Variants in CERS6 observed in about 807,000 individuals in gnomAD.
The protein encoded by CERS6 is ceramide synthase 6, also known as LAG1 homolog, ceramide synthase 6.
In CERS6, 26 loss-of-function variants were observed where a neutral mutation model predicts 56.8. That is an observed-to-expected ratio of 0.46 (90% CI 0.34 to 0.63). The LOEUF is 0.63. Among genes scored for constraint, CERS6 ranks in the 30% least tolerant of loss-of-function variants. The pLI is 0.01. For synonymous variants in CERS6, 164 were observed against 173.3 expected (o/e 0.95, Z 0.42); for missense variants, 415 against 467.5 (o/e 0.89, Z 1.04).
chr2:168,559,115 A>G (rs1432421057), intron 2 of CERS6, among the ~76,000 whole-genome samples: 5 of 152,128 alleles, frequency 3.3e-5, no homozygotes, highest in Admixed American at 2.6e-4. Context: ...TAGCCAAGGT[A>G]TATTGTAGGC....
At chr2:168,467,565 G>A (rs753637380) in intron 1 of CERS6, among the ~76,000 whole-genome samples, 4 of 152,172 alleles carry the variant, frequency 2.6e-5, no homozygotes, top group Non-Finnish European at 5.9e-5. Context: ...AGGAAAATGG[G>A]TGGGATATCA....
intron 8 of CERS6, among the ~76,000 whole-genome samples, chr2:168,745,534 C>T (rs1190199109): frequency 6.6e-6 from 1 of 152,132 alleles, no homozygotes; most frequent in Non-Finnish European, 1.5e-5. Context: ...AACCACTGCG[C>T]CTGGCCAAAT....
At chr2:168,611,979 C>T (rs574635977) in intron 3 of CERS6, among the ~76,000 whole-genome samples, 59 of 152,304 alleles carry the variant, frequency 3.9e-4, no homozygotes, top group Admixed American at 9.8e-4. Context: ...GGCCCATACT[C>T]ATGAAACTTG....
chr2:168,582,601 A>G (rs1468375872), intron 3 of CERS6, among the ~76,000 whole-genome samples: 4 of 152,190 alleles, frequency 2.6e-5, no homozygotes, highest in Non-Finnish European at 5.9e-5. Context: ...CTATGCAAAC[A>G]TAAGGTTTCA....
chr2:168,519,157 G>C (rs895502156), intron 1 of CERS6, among the ~76,000 whole-genome samples: 2 of 152,162 alleles, frequency 1.3e-5, no homozygotes, highest in African/African-American at 4.8e-5. Flanking sequence ...ATAAATATGG[G>C]TTAATGTTTT....
At chr2:168,716,898 A>G (rs1687240279) in intron 7 of CERS6, among the ~76,000 whole-genome samples, 2 of 152,164 alleles carry the variant, frequency 1.3e-5, no homozygotes. Flanking sequence ...GATAATGTCA[A>G]CAATCTTTTC....
intron 8 of CERS6, among the ~76,000 whole-genome samples, chr2:168,749,323 T>G (rs77053431): frequency 1.9e-3 from 288 of 152,310 alleles, no homozygotes; most frequent in Admixed American, 3.0e-3. Flanking sequence ...GAGTGCTGCT[T>G]CTTTTGTTCA....
intron 3 of CERS6, among the ~76,000 whole-genome samples, chr2:168,626,796 T>C (rs1684601160): frequency 6.6e-6 from 1 of 152,116 alleles, no homozygotes; most frequent in African/African-American, 2.4e-5. Flanking sequence ...TGCTTCCTTA[T>C]ATGGAGTCTT....
rs866923213 is a variant in CERS6, at chr2:168,511,621, A to G, written c.171-35975A>G. 7.9e-5 allele frequency among the ~76,000 whole-genome samples: 12 copies of G among 152,288 alleles called. 1 individual carries two copies. In the South Asian group the frequency reaches 1.4e-3, roughly 18 times the overall value. On this transcript the variant is annotated intron_variant, in intron 1 of 9. Transcript: ENST00000305747. ...AGCTTTGGGCTATATTCTGGTGTTA[A>G]TTCTTTGAAAATGTCTTTATAATCT...
intron 1 of CERS6, among the ~76,000 whole-genome samples, chr2:168,525,216 G>A (rs1295278018): frequency 1.3e-5 from 2 of 152,214 alleles, no homozygotes; most frequent in African/African-American, 2.4e-5. Context: ...CATGCCTCGG[G>A]ATTACCTGGA....
At chr2:168,654,034 G>A (rs1427641072) in intron 4 of CERS6, among the ~76,000 whole-genome samples, 1 of 152,072 alleles carries the variant, frequency 6.6e-6, no homozygotes, top group Non-Finnish European at 1.5e-5. Context: ...AGATTACTAA[G>A]CACTTAAACT....
At chr2:168,648,053 C>G (rs533918174) in intron 4 of CERS6, among the ~76,000 whole-genome samples, 6 of 152,192 alleles carry the variant, frequency 3.9e-5, no homozygotes, top group Admixed American at 3.9e-4. Context: ...AGAGTTTCTC[C>G]TCCTCGATTT....
chr2:168,722,933 A>G (rs896436757), intron 8 of CERS6, among the ~76,000 whole-genome samples: 6 of 151,670 alleles, frequency 4.0e-5, no homozygotes, highest in African/African-American at 1.5e-4. Context: ...GGTTCCAGCC[A>G]ATGCCTGGCC....
At chr2:168,680,112 A>G (rs778256035) in intron 4 of CERS6, among the ~76,000 whole-genome samples, 8 of 152,220 alleles carry the variant, frequency 5.3e-5, no homozygotes, top group Non-Finnish European at 1.2e-4. Context: ...AAAGCCAGCA[A>G]ACTAGAGCCT....
intron 3 of CERS6, among the ~76,000 whole-genome samples, chr2:168,602,341 G>C (rs1683953763): frequency 1.3e-5 from 2 of 152,262 alleles, no homozygotes; most frequent in East Asian, 3.9e-4. Flanking sequence ...GCCTGGTATA[G>C]GACTCTGTCT....
chr2:168,724,071 T>C (rs904765557), intron 8 of CERS6, among the ~76,000 whole-genome samples: 3 of 152,214 alleles, frequency 2.0e-5, no homozygotes, highest in Admixed American at 2.0e-4. Context: ...ACCCTTGCGG[T>C]GAGTGTTACA....
intron 8 of CERS6, among the ~76,000 whole-genome samples, chr2:168,731,841 C>A (rs1286742866): frequency 6.6e-6 from 1 of 152,202 alleles, no homozygotes; most frequent in Non-Finnish European, 1.5e-5. Context: ...ATACGTGAAG[C>A]ACTGAAGGAA....
chr2:168,484,369 C>CG (rs1694237715), intron 1 of CERS6, among the ~76,000 whole-genome samples: 1 of 151,392 alleles, frequency 6.6e-6, no homozygotes, highest in South Asian at 2.1e-4. Flanking sequence ...TTAGTAGAGA[C>CG]GGGGTTTCTC....
At chr2:168,655,743 CA>C (rs1324239290) in intron 4 of CERS6, among the ~76,000 whole-genome samples, 1 of 152,094 alleles carries the variant, frequency 6.6e-6, no homozygotes, top group Non-Finnish European at 1.5e-5. Context: ...AGAGGTAAGT[CA>C]AAGGATACAA....
Sources: gnomAD v4.1 joint callset for allele counts (sites outside exome capture counted in the v4.1 genomes callset) on GRCh38, gnomAD v4.1.1 for gene constraint, MANE v1.5 for transcripts, NCBI Gene and HGNC (gene_info 2026-07-23, HGNC 2026-07-21) for gene names.